PRKCE: variants seen among roughly 807,000 people sequenced by gnomAD.
PRKCE encodes the protein protein kinase C epsilon type.
A neutral mutation model predicts 85.4 loss-of-function variants in PRKCE; 16 were observed. That is an observed-to-expected ratio of 0.19 (90% CI 0.13 to 0.28). The LOEUF (loss-of-function observed/expected upper bound fraction) is 0.28, where lower values mean the gene tolerates loss of function less well. PRKCE is among the 10% of genes least tolerant of loss of function. The pLI is 1.00. For synonymous variants in PRKCE, 388 were observed against 371.5 expected, an observed-to-expected ratio of 1.04 and a Z score of -0.51; for missense variants, 573 against 975.2, an observed-to-expected ratio of 0.59 and a Z score of 5.49.
At chr2:45,881,727 C>A (rs1694904381) in intron 2 of PRKCE, among the ~76,000 whole-genome samples, 1 of 152,202 alleles carries the variant, frequency 6.6e-6, no homozygotes, top group Non-Finnish European at 1.5e-5. Flanking sequence ...CTAAGTCACA[C>A]AATATGAGGT....
At chr2:45,684,881 G>T (rs956528444) in intron 1 of PRKCE, among the ~76,000 whole-genome samples, 1 of 152,170 alleles carries the variant, frequency 6.6e-6, no homozygotes, top group Non-Finnish European at 1.5e-5. Flanking sequence ...GGCTGGCAGG[G>T]GGCTGGCAGT....
chr2:45,877,510 C>G (rs1372336077), intron 2 of PRKCE, among the ~76,000 whole-genome samples: 1 of 152,142 alleles, frequency 6.6e-6, no homozygotes, highest in Non-Finnish European at 1.5e-5. Flanking sequence ...AAGTCTCTTT[C>G]TGTACCTAGT....
chr2:45,970,777 T>A (rs964496064), intron 2 of PRKCE, among the ~76,000 whole-genome samples: 1 of 151,862 alleles, frequency 6.6e-6, no homozygotes, highest in African/African-American at 2.4e-5. Context: ...AGATAAAGAC[T>A]GAAGTATTTA....
intron 11 of PRKCE, among the ~76,000 whole-genome samples, chr2:46,112,701 G>C (rs1290253226): frequency 6.6e-6 from 1 of 151,900 alleles, no homozygotes. Context: ...TGTATTTTTA[G>C]TAGAGACAGG....
chr2:46,027,527 A>G (rs1458091630), intron 10 of PRKCE, among the ~76,000 whole-genome samples: 1 of 152,166 alleles, frequency 6.6e-6, no homozygotes, highest in Non-Finnish European at 1.5e-5. Flanking sequence ...TAAAATGCAT[A>G]TGCATATTTT....
At chr2:46,137,872 A>G (rs1187581714) in intron 11 of PRKCE, among the ~76,000 whole-genome samples, 4 of 152,078 alleles carry the variant, frequency 2.6e-5, no homozygotes, top group Admixed American at 6.6e-5. Context: ...TCTTCTTTGC[A>G]TACCAGTTCT....
chr2:45,756,874 G>A (rs1684047775), intron 1 of PRKCE, among the ~76,000 whole-genome samples: 1 of 152,190 alleles, frequency 6.6e-6, no homozygotes, highest in Admixed American at 6.5e-5. Context: ...TTTGTGGGCT[G>A]AAGGATATGT....
intron 2 of PRKCE, among the ~76,000 whole-genome samples, chr2:45,959,772 T>C (rs1333812901): frequency 6.6e-6 from 1 of 152,230 alleles, no homozygotes; most frequent in East Asian, 1.9e-4. Context: ...AAATTCTGCA[T>C]GAAACAGCCA....
At chr2:46,146,284 C>T (rs1410301742) in intron 12 of PRKCE, among the ~76,000 whole-genome samples, 1 of 152,248 alleles carries the variant, frequency 6.6e-6, no homozygotes, top group Non-Finnish European at 1.5e-5. Context: ...GTACCAATCC[C>T]CACTAAACAT....
chr2:46,096,486 A>G (rs1279763998), intron 11 of PRKCE, among the ~76,000 whole-genome samples: 1 of 152,170 alleles, frequency 6.6e-6, no homozygotes, highest in Non-Finnish European at 1.5e-5. Context: ...AGGTAATGAA[A>G]GCAAAATGAG....
intron 2 of PRKCE, among the ~76,000 whole-genome samples, chr2:45,914,925 A>G (rs1433004482): frequency 6.6e-6 from 1 of 152,162 alleles, no homozygotes; most frequent in African/African-American, 2.4e-5. Context: ...TTTTGCTAGA[A>G]CTTTCCATAT....
Position 45,652,338 on chromosome 2 carries a change from G to C in PRKCE, c.238G>C (p.Glu80Gln). Residue 80 changes from glutamate (E) to glutamine (Q), a missense_variant, in exon 1 of 15, where the codon GAG (glutamate) becomes CAG (glutamine). By Grantham distance (29) the Glu-to-Gln change is conservative. This residue lies in a region of PRKCE where 100 missense variants were observed against 177.1 expected (regional missense o/e 0.56). Coordinates refer to ENST00000306156, the MANE Select transcript of PRKCE (RefSeq NM_005400.3). This position sits in a 1 kb window ranked among gnomAD's most constrained non-coding sequence, Gnocchi z 7.7. ...CGATGTGTGCAACGGACGCAAGATC[G>C]AGCTGGCTGTCTTTCACGATGCCCC... ...VTDVCNGRKI[E>Q]LAVFHDAPIG... 1 of 1,613,726 alleles carries C rather than the reference G, an allele frequency of 6.2e-7. No homozygotes were observed. Among genetic ancestry groups the C allele is most frequent in the Non-Finnish European group, 8.5e-7 (1 of 1,180,022 alleles).
Position 45,880,823 on chromosome 2 carries a change from A to T in PRKCE, c.412+37760A>T, listed in dbSNP as rs549072462. ...TCGTTATCATAGATCAGTAAGTACGAACTAGATATTAAGGACTCAGAACAG... is the reference window on the plus strand; with the variant it reads ...TCGTTATCATAGATCAGTAAGTACGTACTAGATATTAAGGACTCAGAACAG... On this transcript the variant is annotated intron_variant, in intron 2 of 14. Coordinates refer to ENST00000306156, the MANE Select transcript of PRKCE (RefSeq NM_005400.3). 1.8e-3 allele frequency among the ~76,000 whole-genome samples: 273 copies of T among 152,330 alleles called. 2 individuals carry two copies. The highest frequency in any genetic ancestry group is 2.2e-3 in the Non-Finnish European group (150 of 68,032).
intron 14 of PRKCE, among the ~76,000 whole-genome samples, chr2:46,165,908 C>T (rs114049910): frequency 4.6e-4 from 70 of 152,310 alleles, no homozygotes; most frequent in African/African-American, 1.6e-3. Flanking sequence ...GCCAAGTAAA[C>T]TTCTCTTTGT....
intron 1 of PRKCE, among the ~76,000 whole-genome samples, chr2:45,801,116 G>C (rs1291676773): frequency 6.6e-6 from 1 of 152,202 alleles, no homozygotes; most frequent in East Asian, 1.9e-4. Context: ...ATAGGCAGTT[G>C]AGTGGGCCAA....
At chr2:46,003,573 G>A (rs1704898572) in intron 7 of PRKCE, among the ~76,000 whole-genome samples, 1 of 152,210 alleles carries the variant, frequency 6.6e-6, no homozygotes, top group South Asian at 2.1e-4. Context: ...GTCTACTTAA[G>A]TGGAGAACAC....
chr2:46,095,226 C>A (rs1245961701), intron 11 of PRKCE, among the ~76,000 whole-genome samples: 1 of 152,242 alleles, frequency 6.6e-6, no homozygotes, highest in Non-Finnish European at 1.5e-5. Context: ...TATTTCTAGG[C>A]CTTTCCTCTT....
intron 10 of PRKCE, among the ~76,000 whole-genome samples, chr2:46,063,562 G>T (rs1019346719): frequency 6.6e-6 from 1 of 152,074 alleles, no homozygotes; most frequent in East Asian, 1.9e-4. Context: ...GGGGGATGGC[G>T]CCCATCTTTG....
intron 10 of PRKCE, among the ~76,000 whole-genome samples, chr2:46,040,159 A>G (rs913528283): frequency 2.6e-5 from 4 of 152,218 alleles, no homozygotes; most frequent in Admixed American, 2.6e-4. Flanking sequence ...ACTGAACACA[A>G]TGTCTGGCTC....
Sources: allele counts gnomAD v4.1 joint callset (sites outside exome capture counted in the v4.1 genomes callset), GRCh38; gene constraint gnomAD v4.1.1; regional missense constraint gnomAD v4.1.1; non-coding constraint Gnocchi (gnomAD v3.1); transcripts MANE v1.5; gene names NCBI Gene and HGNC (gene_info 2026-07-23, HGNC 2026-07-21).